GLIPR1L1: variants seen among roughly 807,000 people sequenced by gnomAD.
GLIPR1L1 encodes the protein GLIPR1-like protein 1.
In GLIPR1L1, 26 loss-of-function variants were observed where a neutral mutation model predicts 29.9. The ratio of observed to expected loss-of-function variants is 0.87; its 90% CI spans 0.64 to 1.21. The LOEUF is 1.21. GLIPR1L1 is among the 50% of genes most tolerant of loss of function. The pLI, the probability that GLIPR1L1 is intolerant of heterozygous loss-of-function variation, is 0.00. For missense variants in GLIPR1L1, 305 were observed against 290.3 expected, an observed-to-expected ratio of 1.05 and a Z score of -0.37; for synonymous variants, 77 against 97.5, an observed-to-expected ratio of 0.79 and a Z score of 1.24.
chr12:75,340,968 A>C (rs977885524), intron 1 of GLIPR1L1, among the ~76,000 whole-genome samples: 9 of 152,118 alleles, frequency 5.9e-5, no homozygotes. Flanking sequence ...GATCAGTCTT[A>C]CTTTTCTGGT....
intron 4 of GLIPR1L1, chr12:75,369,455 A>G (rs2044213360): frequency 1.1e-6 from 1 of 898,318 alleles, no homozygotes; most frequent in East Asian, 1.2e-4. Flanking sequence ...CAAAAAAATT[A>G]ATTAATTATT....
At position 75,334,678 on chromosome 12, in the gene GLIPR1L1, C is replaced by T. The variant is rs2041588920; in HGVS notation, c.-51C>T. 16 of 1,576,994 alleles carry T rather than the reference C, an allele frequency of 1.0e-5. No individual in the cohort carries two copies. The highest frequency in any genetic ancestry group is 1.4e-5 in the Non-Finnish European group (16 of 1,161,392). On this transcript the variant is annotated 5_prime_UTR_variant, in exon 1 of 6. Coordinates refer to ENST00000378695, the MANE Select transcript of GLIPR1L1 (RefSeq NM_001304964.2). Reference sequence around the variant, plus strand: ...CGTGGGGAAATCGGGTTGCCCCAGCCGTTACTGGTCCGCGCAGTCAGGGCA... The same window carrying T: ...CGTGGGGAAATCGGGTTGCCCCAGCTGTTACTGGTCCGCGCAGTCAGGGCA...
intron 3 of GLIPR1L1, chr12:75,360,129 T>G (rs1219476645): frequency 6.6e-6 from 1 of 152,118 alleles, no homozygotes; most frequent in Non-Finnish European, 1.5e-5. Flanking sequence ...TCTCTCAACA[T>G]GTGGAGATTA....
intron 4 of GLIPR1L1, 50 bp downstream of exon 4, chr12:75,363,240 T>C: frequency 2.3e-6 from 2 of 852,210 alleles, no homozygotes; most frequent in Non-Finnish European, 3.3e-6. Context: ...AAAGTTTCCA[T>C]ATATTTATTA....
chr12:75,346,427 G>A (rs2042452547), intron 2 of GLIPR1L1, among the ~76,000 whole-genome samples: 1 of 150,964 alleles, frequency 6.6e-6, no homozygotes, highest in Non-Finnish European at 1.5e-5. Flanking sequence ...GTCTCGCCCT[G>A]TAACCCAGAC....
At position 75,370,137 on chromosome 12, in the gene GLIPR1L1, T is replaced by C. The variant is rs764819843; in HGVS notation, c.690T>C (p.Asn230=). The C allele has an allele frequency of 1.2e-6, 2 of 1,604,190 alleles. No individual in the cohort carries two copies. Among genetic ancestry groups the C allele is most frequent in the Non-Finnish European group, 1.7e-6 (2 of 1,172,674 alleles). ...GAGCACCTCAGCAGACAGCCTTTAA[T>C]CCATTCAGCTTAGGTTTTCTTCTTC... The part of the protein sequence containing the change: ...TGRAPQQTAF[N]PFSLGFLLLR... Residue 230 remains asparagine, a synonymous_variant, in exon 6 of 6, where the codon AAT becomes AAC. Transcript: ENST00000378695.
intron 4 of GLIPR1L1, chr12:75,369,522 G>C: frequency 1.0e-6 from 1 of 979,826 alleles, no homozygotes; most frequent in Non-Finnish European, 1.2e-6. Flanking sequence ...TGGTAAACTG[G>C]GGAGGAAAGT....
intron 2 of GLIPR1L1, among the ~76,000 whole-genome samples, chr12:75,344,847 G>T (rs1052882404): frequency 6.6e-6 from 1 of 152,046 alleles, no homozygotes; most frequent in African/African-American, 2.4e-5. Flanking sequence ...GTTTAGTCCA[G>T]AGCTGATAAT....
intron 1 of GLIPR1L1, among the ~76,000 whole-genome samples, chr12:75,335,713 G>A (rs1464566378): frequency 2.0e-5 from 3 of 151,946 alleles, no homozygotes; most frequent in Non-Finnish European, 4.4e-5. Flanking sequence ...ATATTTTGAT[G>A]GAGAAAGATT....
chr12:75,343,618 G>C (rs1235819694), intron 1 of GLIPR1L1, 75 bp from the exon 2 acceptor site: 1 of 1,151,528 alleles, frequency 8.7e-7, no homozygotes, highest in African/African-American at 1.6e-5. Flanking sequence ...GCAAAACTTA[G>C]TTGATTACAA....
chr12:75,357,092 A>G lies in GLIPR1L1; in HGVS notation c.522-6010A>G, dbSNP rs2043202470. Among the ~76,000 whole-genome samples the G allele has an allele frequency of 2.0e-5, 3 of 152,192 alleles. No individual in the cohort carries two copies. The South Asian group carries it at 6.2e-4, about 31-fold the overall frequency. ...TGTAGTTCAGTTACTCAGGAGGCTG[A>G]GGTGGTAGTATAAGTAAAGCCTAGA... On this transcript the variant is annotated intron_variant, in intron 3 of 5. Coordinates refer to ENST00000378695, the MANE Select transcript of GLIPR1L1 (RefSeq NM_001304964.2).
At chr12:75,360,759 G>A (rs955367420) in intron 3 of GLIPR1L1, 1 of 152,152 alleles carries the variant, frequency 6.6e-6, no homozygotes, top group Non-Finnish European at 1.5e-5. Flanking sequence ...GGGACTCTGT[G>A]TGGAGTCTCC....
At chr12:75,355,795 C>A (rs2043119252) in intron 3 of GLIPR1L1, among the ~76,000 whole-genome samples, 1 of 152,056 alleles carries the variant, frequency 6.6e-6, no homozygotes, top group African/African-American at 2.4e-5. Flanking sequence ...TACTATGCAG[C>A]CATAAAAAGG....
chr12:75,358,596 C>T (rs1383216254), intron 3 of GLIPR1L1, among the ~76,000 whole-genome samples: 1 of 150,340 alleles, frequency 6.7e-6, no homozygotes, highest in African/African-American at 2.4e-5. Flanking sequence ...TAACATTATG[C>T]CTAATAGTAA....
intron 2 of GLIPR1L1, among the ~76,000 whole-genome samples, chr12:75,344,455 G>GT (rs1361386937): frequency 6.6e-6 from 1 of 151,816 alleles, no homozygotes; most frequent in African/African-American, 2.4e-5. Context: ...CTTAAAGTTT[G>GT]TATCTCTACA....
chr12:75,348,863 C>T lies in GLIPR1L1; in HGVS notation c.521+1141C>T, dbSNP rs555461387. The stretch of plus-strand genomic sequence containing the variant: ...CACTGGCTATAATACAACAAAGGGC[C>T]GTGATCTCTGAAAAATAACAACAAA... On this transcript the variant is annotated intron_variant, in intron 3 of 5. Coordinates refer to ENST00000378695, the MANE Select transcript of GLIPR1L1 (RefSeq NM_001304964.2). Among the ~76,000 whole-genome samples, 16 of 152,022 alleles carry T rather than the reference C, an allele frequency of 1.1e-4. 1 individual carries two copies. The highest frequency in any genetic ancestry group is 5.9e-4 in the Admixed American group (9 of 15,260).
chr12:75,369,888 G>T (rs539695224), intron 4 of GLIPR1L1, 72 bp from the exon 5 acceptor site: 19 of 1,322,768 alleles, frequency 1.4e-5, no homozygotes, highest in Middle Eastern at 2.8e-4. Context: ...TATTCTAAAA[G>T]CCATAAAAGC....
chr12:75,363,113 CA>C lies in GLIPR1L1; in HGVS notation c.536del (p.Asn179IlefsTer6). ...TCTCTTTTTTACAGAGGAAATTTTG[CA>C]AATATGCCTCCTTACGTAAGAGGAG... ...VCNYGPAGNF[A>X]NMPPYVRGES... On this transcript the variant is annotated frameshift_variant, in exon 4 of 6. Transcript: ENST00000378695. LOFTEE classifies it high-confidence loss of function. The C allele has an allele frequency of 6.5e-7, 1 of 1,547,738 alleles. No individual in the cohort carries two copies. Among genetic ancestry groups the C allele is most frequent in the Admixed American group, 2.2e-5 (1 of 46,482 alleles).
At chr12:75,359,357 C>CTTATTTTTTT (rs2043398907) in intron 3 of GLIPR1L1, among the ~76,000 whole-genome samples, 1 of 28,600 alleles carries the variant, frequency 3.5e-5, no homozygotes, top group Non-Finnish European at 6.6e-5. Flanking sequence ...GCATTGTTGT[C>CTTATTTTTTT]TTTTTTTTTT....
Sources: gnomAD v4.1 joint callset for allele counts (sites outside exome capture counted in the v4.1 genomes callset) on GRCh38, gnomAD v4.1.1 for gene constraint, MANE v1.5 for transcripts, NCBI Gene and HGNC (gene_info 2026-07-23, HGNC 2026-07-21) for gene names.